PCDHGB1: variants seen among roughly 807,000 people sequenced by gnomAD.
PCDHGB1 encodes protocadherin gamma-B1.
Under a neutral mutation model 56.6 loss-of-function variants are expected in PCDHGB1, and 34 were observed. That is an observed-to-expected ratio of 0.60 (90% confidence interval 0.46 to 0.80). The LOEUF (loss-of-function observed/expected upper bound fraction) is 0.80. Among genes scored for constraint, PCDHGB1 ranks in the 30% least tolerant of loss-of-function variants. The pLI is 0.00. For synonymous variants in PCDHGB1, 561 were observed against 505.9 expected, an observed-to-expected ratio of 1.11 and a Z score of -1.46; for missense variants, 1,278 against 1,204.6, an observed-to-expected ratio of 1.06 and a Z score of -0.90.
intron 1 of PCDHGB1, chr5:141,400,729 A>G: frequency 1.5e-6 from 1 of 649,042 alleles, no homozygotes. Flanking sequence ...TTTACAAAGT[A>G]GTGAGAGTTT....
chr5:141,405,394 CTT>C lies in PCDHGB1; in HGVS notation c.2409+52727_2409+52728del, dbSNP rs1561700295. 3.8e-6 allele frequency: 6 copies of C among 1,593,014 alleles called. No individual in the cohort carries two copies. In the Admixed American group the frequency reaches 7.1e-5, roughly 19 times the overall value. On this transcript the variant is annotated intron_variant, in intron 1 of 3. Transcript: ENST00000523390. ...TGGTTCCGGTGAGTTCATTTTTTTT[CTT>C]TCTTTCTTTTCTTTTTTTGTTTTTT...
At chr5:141,506,241 G>C (rs2237081) in intron 3 of PCDHGB1, among the ~76,000 whole-genome samples, 78,081 of 151,504 alleles carry the variant, frequency 0.52, 20,775 homozygotes, top group African/African-American at 0.63. Context: ...ATGAGGTCAG[G>C]AGTTCGAAAC....
At chr5:141,357,763 C>A in intron 1 of PCDHGB1, 1 of 1,007,524 alleles carries the variant, frequency 9.9e-7, no homozygotes, top group Non-Finnish European at 1.4e-6. Context: ...GGTGGATGAC[C>A]TTCCAATAAT....
chr5:141,409,566 C>G (rs750850161), intron 1 of PCDHGB1: 1 of 1,613,978 alleles, frequency 6.2e-7, no homozygotes, highest in South Asian at 1.1e-5. Flanking sequence ...TTCGACCAGA[C>G]GTCCTACGTG....
chr5:141,365,027 C>G, intron 1 of PCDHGB1: 1 of 1,613,896 alleles, frequency 6.2e-7, no homozygotes, highest in Non-Finnish European at 8.5e-7. Flanking sequence ...TGTTACGGTC[C>G]TCGACGCAAA....
At chr5:141,450,147 C>T (rs1322871298) in intron 1 of PCDHGB1, among the ~76,000 whole-genome samples, 2 of 151,774 alleles carry the variant, frequency 1.3e-5, no homozygotes, top group African/African-American at 4.8e-5. Context: ...GCTGGGACTA[C>T]AGGCATGTGC....
chr5:141,468,458 G>A (rs1047447240), intron 1 of PCDHGB1: 3 of 152,134 alleles, frequency 2.0e-5, no homozygotes, highest in African/African-American at 7.2e-5. Flanking sequence ...ATTAAAGCAA[G>A]TTATTTCTGA....
At chr5:141,392,782 A>G (rs1375306296) in intron 1 of PCDHGB1, 1 of 1,540,122 alleles carries the variant, frequency 6.5e-7, no homozygotes, top group Non-Finnish European at 8.7e-7. Context: ...TGCACAGTGA[A>G]GATTCTGAGA....
At chr5:141,433,828 ACT>A (rs1431945413) in intron 1 of PCDHGB1, among the ~76,000 whole-genome samples, 2 of 142,254 alleles carry the variant, frequency 1.4e-5, no homozygotes, top group Admixed American at 7.0e-5. Flanking sequence ...CAAGAGTGAA[ACT>A]CTATCTCAAA....
chr5:141,444,240 C>T (rs1017550385), intron 1 of PCDHGB1, among the ~76,000 whole-genome samples: 4 of 128,690 alleles, frequency 3.1e-5, no homozygotes, highest in African/African-American at 5.9e-5. Context: ...GGCATGCTCT[C>T]GGCTCACTGC....
intron 1 of PCDHGB1, chr5:141,418,462 C>G: frequency 1.2e-6 from 2 of 1,613,974 alleles, no homozygotes; most frequent in Non-Finnish European, 8.5e-7. Flanking sequence ...AGACTCTGGA[C>G]CGAGAAACGC....
At chr5:141,409,592 A>G in intron 1 of PCDHGB1, 1 of 1,613,898 alleles carries the variant, frequency 6.2e-7, no homozygotes, top group African/African-American at 1.3e-5. Flanking sequence ...CGTGGCCGAG[A>G]ACAACCCGCC....
At position 141,414,131 on chromosome 5, in the gene PCDHGB1, A is replaced by G. The variant is rs977911874; in HGVS notation, c.2409+61462A>G. 1.9e-6 allele frequency: 3 copies of G among 1,594,622 alleles called. No homozygotes were observed. The highest frequency in any genetic ancestry group is 2.7e-5 in the African/African-American group (2 of 74,402). The stretch of plus-strand genomic sequence containing the variant: ...CTAGATTATGAAGAAACCGGTTTCT[A>G]TGAAATAGAAATACAAGCAGAAGAT... On this transcript the variant is annotated intron_variant, in intron 1 of 3. Transcript: ENST00000523390.
At chr5:141,404,614 C>T in intron 1 of PCDHGB1, 5 of 1,614,078 alleles carry the variant, frequency 3.1e-6, no homozygotes, top group Non-Finnish European at 4.2e-6. Context: ...TTGTTTTGGA[C>T]CAGAATGACA....
Position 141,491,885 on chromosome 5 carries a change from G to T in PCDHGB1, c.2410-2922G>T. On this transcript the variant is annotated intron_variant, in intron 1 of 3. Transcript: ENST00000523390. The surrounding 1 kb of genome is among the most constrained non-coding windows in gnomAD (Gnocchi z 6.9). ...ACCAGAGTGGCCGATTAAGGGATGG[G>T]GCTCCGAGCACCGGGGGTGGTGGCG... The T allele has an allele frequency of 6.9e-7, 1 of 1,445,748 alleles. No homozygotes were observed. Among genetic ancestry groups the T allele is most frequent in the Non-Finnish European group, 9.1e-7 (1 of 1,093,758 alleles). The allele number at this position is 1,445,748 out of a possible 1,614,324, so 89.6% of individuals were successfully genotyped here. A position where few individuals can be genotyped will look rare whatever the true frequency, so the allele number is the denominator to read the frequency against.
chr5:141,501,331 A>ACC (rs906542724), intron 2 of PCDHGB1, among the ~76,000 whole-genome samples: 1 of 138,846 alleles, frequency 7.2e-6, no homozygotes, highest in Non-Finnish European at 1.6e-5. Flanking sequence ...ACACACACAC[A>ACC]CACCCCAAAC....
chr5:141,471,046 C>CTTTT (rs1170588345), intron 1 of PCDHGB1, among the ~76,000 whole-genome samples: 3 of 113,278 alleles, frequency 2.6e-5, no homozygotes, highest in African/African-American at 7.1e-5. Flanking sequence ...CCCAAGCCCT[C>CTTTT]TTTTTTTTTT....
At chr5:141,360,817 A>C (rs772114545) in intron 1 of PCDHGB1, 1 of 1,614,006 alleles carries the variant, frequency 6.2e-7, no homozygotes, top group South Asian at 1.1e-5. Context: ...CACGACCCAA[A>C]TCCGAATCAA....
rs775426401 is a variant in PCDHGB1 at position 141,350,605 on chromosome 5, C to T, written c.345C>T (p.His115=). Residue 115 remains histidine, a synonymous_variant, in exon 1 of 4, where the codon CAC becomes CAT. Coordinates refer to ENST00000523390, the MANE Select transcript of PCDHGB1 (RefSeq NM_018922.3). ...CTGAAAACCCAATGAATGTTTTCCA[C>T]GTGGTTGTTGTAATCCAAGATATTA... is the stretch of plus-strand genomic sequence containing the variant. ...TVAENPMNVF[H]VVVVIQDIND... 6 of 1,613,998 alleles carry T rather than the reference C, an allele frequency of 3.7e-6. 1 individual carries two copies. Among genetic ancestry groups the T allele is most frequent in the African/African-American group, 1.3e-5 (1 of 75,046 alleles).
Sources: allele counts gnomAD v4.1 joint callset (sites outside exome capture counted in the v4.1 genomes callset), GRCh38; gene constraint gnomAD v4.1.1; non-coding constraint Gnocchi (gnomAD v3.1); transcripts MANE v1.5; gene names NCBI Gene and HGNC (gene_info 2026-07-23, HGNC 2026-07-21).